AGBL1: variants seen among roughly 807,000 people sequenced by gnomAD.
The protein encoded by AGBL1 is AGBL carboxypeptidase 1.
AGBL1 carries 130 observed loss-of-function variants against 118.9 expected under a neutral mutation model. That is an observed-to-expected ratio of 1.09 (90% CI 0.95 to 1.26). The LOEUF (loss-of-function observed/expected upper bound fraction) is 1.26. AGBL1 is among the 50% of genes most tolerant of loss of function. The probability of loss-of-function intolerance (pLI) is 0.00; values close to 1 mark genes in which losing one functional copy is unlikely to be tolerated. For missense variants in AGBL1, 1,584 were observed against 1,298.1 expected, an observed-to-expected ratio of 1.22 and a Z score of -3.38; for synonymous variants, 555 against 478.9, an observed-to-expected ratio of 1.16 and a Z score of -2.08.
chr15:86,435,360 A>T (rs1426818999), intron 18 of AGBL1, among the ~76,000 whole-genome samples: 3 of 152,220 alleles, frequency 2.0e-5, no homozygotes, highest in African/African-American at 7.2e-5. Context: ...ATATTCCACT[A>T]AGTATTGTGA....
intron 21 of AGBL1, among the ~76,000 whole-genome samples, chr15:86,563,271 G>A (rs1363840003): frequency 1.3e-5 from 2 of 152,014 alleles, no homozygotes; most frequent in African/African-American, 4.8e-5. Flanking sequence ...GCTTTCTCTT[G>A]TGGGCATTGA....
chr15:86,751,298 C>T (rs1239807831), intron 22 of AGBL1, among the ~76,000 whole-genome samples: 1 of 151,996 alleles, frequency 6.6e-6, no homozygotes, highest in Non-Finnish European at 1.5e-5. Flanking sequence ...TATTTTTTGA[C>T]TTTTTAATAA....
chr15:86,570,005 A>G (rs1428746634), intron 21 of AGBL1, among the ~76,000 whole-genome samples: 2 of 152,228 alleles, frequency 1.3e-5, no homozygotes, highest in Non-Finnish European at 2.9e-5. Context: ...CTCTTAAGGA[A>G]CAGACAAACA....
chr15:86,984,512 C>T (rs921892330), intron 23 of AGBL1, among the ~76,000 whole-genome samples: 3 of 151,870 alleles, frequency 2.0e-5, no homozygotes, highest in Non-Finnish European at 4.4e-5. Flanking sequence ...GTTGCAGGCA[C>T]CTGCCACCGT....
chr15:86,211,480 G>A (rs2078097175), intron 5 of AGBL1, among the ~76,000 whole-genome samples: 1 of 152,236 alleles, frequency 6.6e-6, no homozygotes, highest in African/African-American at 2.4e-5. Flanking sequence ...TTGCAGCGCT[G>A]CGGTGAGCTC....
intron 1 of AGBL1, among the ~76,000 whole-genome samples, chr15:86,104,177 T>C (rs910083204): frequency 1.2e-4 from 19 of 152,026 alleles, no homozygotes; most frequent in Non-Finnish European, 2.2e-4. Flanking sequence ...TAACACATTT[T>C]GGTATTGGGG....
intron 23 of AGBL1, among the ~76,000 whole-genome samples, chr15:86,954,607 C>A (rs2080911962): frequency 6.6e-6 from 1 of 152,096 alleles, no homozygotes; most frequent in African/African-American, 2.4e-5. Context: ...ATTGAGCACA[C>A]CTGGACATAA....
chr15:86,929,207 T>A (rs900620363), intron 23 of AGBL1, among the ~76,000 whole-genome samples: 4 of 152,336 alleles, frequency 2.6e-5, no homozygotes, highest in African/African-American at 9.6e-5. Flanking sequence ...TGAAACATTC[T>A]CTTAATAAGA....
downstream of AGBL1, among the ~76,000 whole-genome samples, chr15:87,030,902 G>A (rs1234923286): frequency 6.6e-6 from 1 of 151,926 alleles, no homozygotes; most frequent in Non-Finnish European, 1.5e-5. Flanking sequence ...ACTCTGGTAG[G>A]ATGTTGCGGC....
intron 21 of AGBL1, among the ~76,000 whole-genome samples, chr15:86,663,547 G>C (rs1280969225): frequency 6.6e-6 from 1 of 152,136 alleles, no homozygotes; most frequent in East Asian, 1.9e-4. Flanking sequence ...GCAGGAAACA[G>C]TGGTCACAAC....
intron 18 of AGBL1, among the ~76,000 whole-genome samples, chr15:86,455,970 G>A (rs2142077061): frequency 6.6e-6 from 1 of 152,206 alleles, no homozygotes; most frequent in Middle Eastern, 3.4e-3. Context: ...CTAGTTTTTA[G>A]CATATTTCCT....
chr15:86,529,789 C>G (rs1360372793), intron 19 of AGBL1, among the ~76,000 whole-genome samples: 61 of 151,890 alleles, frequency 4.0e-4, no homozygotes, highest in Admixed American at 1.3e-3. Flanking sequence ...CCAGAAGAGA[C>G]TGGGGGCCAA....
intron 17 of AGBL1, among the ~76,000 whole-genome samples, chr15:86,370,652 A>T (rs1445036671): frequency 4.6e-5 from 7 of 152,172 alleles, no homozygotes; most frequent in Non-Finnish European, 1.5e-5. Context: ...AGCCTGTGAT[A>T]TCTAACCTGA....
intron 21 of AGBL1, among the ~76,000 whole-genome samples, chr15:86,561,425 C>T (rs1395734183): frequency 6.6e-6 from 1 of 152,068 alleles, no homozygotes; most frequent in East Asian, 1.9e-4. Flanking sequence ...ATCTTTTCCC[C>T]ATTGCTTTTG....
intron 17 of AGBL1, among the ~76,000 whole-genome samples, chr15:86,318,114 G>A (rs902683433): frequency 9.9e-5 from 15 of 152,210 alleles, no homozygotes; most frequent in African/African-American, 3.1e-4. Flanking sequence ...AAAGTTTTAT[G>A]TCCTAATTAG....
intron 18 of AGBL1, among the ~76,000 whole-genome samples, chr15:86,427,814 G>C (rs1180292908): frequency 6.6e-6 from 1 of 152,120 alleles, no homozygotes; most frequent in Non-Finnish European, 1.5e-5. Context: ...ATTCTTCCCA[G>C]CTGTGTCTTC....
At chr15:86,692,197 C>G (rs1567124959) in intron 22 of AGBL1, among the ~76,000 whole-genome samples, 3 of 151,584 alleles carry the variant, frequency 2.0e-5, no homozygotes, top group African/African-American at 7.3e-5. Flanking sequence ...AAACAAAAAA[C>G]AAAAAAACCA....
At chr15:86,992,736 T>A (rs2141744669) in intron 24 of AGBL1, among the ~76,000 whole-genome samples, 1 of 151,512 alleles carries the variant, frequency 6.6e-6, no homozygotes, top group Non-Finnish European at 1.5e-5. Context: ...TTTGTAATGA[T>A]TTTCACCTCC....
intron 18 of AGBL1, among the ~76,000 whole-genome samples, chr15:86,476,476 G>A (rs1420193955): frequency 6.6e-6 from 1 of 152,108 alleles, no homozygotes; most frequent in Non-Finnish European, 1.5e-5. Context: ...GATCAAAAGA[G>A]ACAAAGAAGG....
Sources: allele counts gnomAD v4.1 joint callset (sites outside exome capture counted in the v4.1 genomes callset), GRCh38; gene constraint gnomAD v4.1.1; transcripts MANE v1.5; gene names NCBI Gene and HGNC (gene_info 2026-07-23, HGNC 2026-07-21).